The following DNM2 variants were observed in gnomAD, a reference collection of about 807,000 sequenced individuals.
The protein encoded by DNM2 is dynamin-2.
A neutral mutation model predicts 99.0 loss-of-function variants in DNM2; 15 were observed. The observed-to-expected ratio is 0.15, with a 90% CI of 0.10 to 0.23. The LOEUF (loss-of-function observed/expected upper bound fraction) is 0.23. DNM2 is among the 10% of genes least tolerant of loss of function. DNM2 has a pLI of 1.00. For missense variants in DNM2, 742 were observed against 1,189.4 expected, an observed-to-expected ratio of 0.62 and a Z score of 5.53; for synonymous variants, 525 against 481.2, an observed-to-expected ratio of 1.09 and a Z score of -1.19.
rs150521066 is a variant in DNM2 at position 10,802,692 on chromosome 19, G to A, written c.1493+334G>A. On this transcript the variant is annotated intron_variant, in intron 12 of 20. Transcript: ENST00000389253. ...CTTCTCAGAGCCTTTAGCGACCAGT[G>A]TGCAGCTTTTCCCAGACTCTGCCAC... is the stretch of plus-strand genomic sequence containing the variant. 6.2e-4 allele frequency: 247 copies of A among 400,870 alleles called. 1 individual carries two copies. The highest frequency in any genetic ancestry group is 4.8e-3 in the African/African-American group (234 of 48,862). The allele number at this position is 400,870 out of a possible 1,614,324, so 24.8% of individuals were successfully genotyped here.
rs55819116 is a variant in DNM2, at chr19:10,779,502, C to CTTTTTTTTTTTTTTTTT, written c.688+2295_688+2311dup. ...TCTTTCTTTCTTTCTTTCTTTCTTT[C>CTTTTTTTTTTTTTTTTT]TTTTTTTTTTTTTTTTTTTTTTTTT... On this transcript the variant is annotated intron_variant, in intron 5 of 20. Transcript: ENST00000389253. Among the ~76,000 whole-genome samples the CTTTTTTTTTTTTTTTTT allele has an allele frequency of 1.1e-3, 33 of 29,626 alleles. 1 individual carries two copies. Among genetic ancestry groups the CTTTTTTTTTTTTTTTTT allele is most frequent in the African/African-American group, 1.4e-3 (10 of 7,182 alleles). The allele number at this position is 29,626 out of a possible 152,430, so 19.4% of individuals were successfully genotyped here.
At chr19:10,763,388 G>A (rs1193856345) in intron 2 of DNM2, 3 of 152,410 alleles carry the variant, frequency 2.0e-5, no homozygotes, top group South Asian at 4.1e-4. Context: ...TTTTTAAATT[G>A]AGATGAAGTC....
intron 1 of DNM2, among the ~76,000 whole-genome samples, chr19:10,737,578 C>T (rs932598026): frequency 2.0e-5 from 3 of 152,082 alleles, no homozygotes; most frequent in Non-Finnish European, 4.4e-5. Flanking sequence ...CTCTGCTTCC[C>T]GGGTTCAAGC....
intron 1 of DNM2, among the ~76,000 whole-genome samples, chr19:10,730,618 G>A (rs1330446095): frequency 6.6e-6 from 1 of 152,146 alleles, no homozygotes; most frequent in Non-Finnish European, 1.5e-5. Flanking sequence ...CTGAAGCAAG[G>A]ACATCTTCCT....
In DNM2 at chr19:10,787,267, C is replaced by G. The variant is rs537851641; in HGVS notation, c.992+561C>G. On this transcript the variant is annotated intron_variant, in intron 7 of 20. Transcript: ENST00000389253. ...AGCGGATCATGTCAGGAGATCGAGACCATCCTGGCTAACGTGGTGAAACCC... is the reference window on the plus strand; with the variant it reads ...AGCGGATCATGTCAGGAGATCGAGAGCATCCTGGCTAACGTGGTGAAACCC... Among the ~76,000 whole-genome samples the G allele has an allele frequency of 1.3e-4, 20 of 151,978 alleles. No individual in the cohort carries two copies. In the South Asian group the frequency reaches 3.7e-3, roughly 28 times the overall value.
chr19:10,745,376 T>G (rs1381440702), intron 1 of DNM2, among the ~76,000 whole-genome samples: 1 of 152,204 alleles, frequency 6.6e-6, no homozygotes, highest in Non-Finnish European at 1.5e-5. Flanking sequence ...TTCTGGGTGC[T>G]GGGGAAAGGG....
chr19:10,724,724 C>T (rs992167724), intron 1 of DNM2, among the ~76,000 whole-genome samples: 2 of 152,264 alleles, frequency 1.3e-5, no homozygotes, highest in African/African-American at 2.4e-5. Context: ...AAGCTGGTGG[C>T]GCTACTGCTG....
Position 10,772,518 on chromosome 19 carries a change from C to T in DNM2, c.275C>T (p.Thr92Ile), listed in dbSNP as rs769805260. 1 of 1,614,158 alleles carries T rather than the reference C, an allele frequency of 6.2e-7. No individual in the cohort carries two copies. Among genetic ancestry groups the T allele is most frequent in the African/African-American group, 1.3e-5 (1 of 75,042 alleles). Residue 92 changes from threonine to isoleucine, a missense_variant, in exon 3 of 21, where the codon ACA (threonine) becomes ATA (isoleucine). Physicochemically the swap from Thr to Ile is moderately conservative, Grantham distance 89 (BLOSUM62 -1). Around this residue, in one of 7 missense-constraint regions of DNM2, gnomAD observed 192 missense variants for 358.9 expected, o/e 0.54. Coordinates refer to ENST00000389253, the MANE Select transcript of DNM2 (RefSeq NM_001005361.3). The surrounding 1 kb of genome is among the most constrained non-coding windows in gnomAD (Gnocchi z 4.9). ...EFLHCKSKKF[T>I]DFDEVRQEIE... ...TTGCACTGCAAGTCCAAAAAGTTTA[C>T]AGACTTTGATGAAGTCCGGCAGGAG...
At chr19:10,766,957 G>A (rs956220385) in intron 2 of DNM2, among the ~76,000 whole-genome samples, 23 of 152,118 alleles carry the variant, frequency 1.5e-4, no homozygotes, top group Non-Finnish European at 3.1e-4. Context: ...TCAGGGTGCC[G>A]GGTGACAGTG....
At chr19:10,756,882 G>A (rs1353979651) in intron 1 of DNM2, among the ~76,000 whole-genome samples, 3 of 152,046 alleles carry the variant, frequency 2.0e-5, no homozygotes, top group African/African-American at 7.2e-5. Flanking sequence ...TTTCGCCCCT[G>A]ATGTCACTCA....
At chr19:10,754,097 T>C (rs1342834861) in intron 1 of DNM2, among the ~76,000 whole-genome samples, 1 of 152,170 alleles carries the variant, frequency 6.6e-6, no homozygotes. Context: ...AGATCTGAAT[T>C]TTTCGTCTTA....
chr19:10,775,945 C>G lies in DNM2; in HGVS notation c.589+39C>G. ...TAGGGCAGTCCCCTCTTCCAGGTGC[C>G]TCTGAGCATGGGATGTGCCCAGCAT... On this transcript the variant is annotated intron_variant, in intron 4 of 20. Coordinates refer to ENST00000389253, the MANE Select transcript of DNM2 (RefSeq NM_001005361.3). The surrounding 1 kb of genome is among the most constrained non-coding windows in gnomAD (Gnocchi z 4.3). The G allele has an allele frequency of 1.2e-6, 2 of 1,601,108 alleles. No individual in the cohort carries two copies. The highest frequency in any genetic ancestry group is 2.7e-5 in the African/African-American group (2 of 74,948).
chr19:10,782,568 C>A (rs2071415307), intron 5 of DNM2, among the ~76,000 whole-genome samples: 1 of 151,388 alleles, frequency 6.6e-6, no homozygotes, highest in Admixed American at 6.6e-5. Flanking sequence ...CCATGCTGGC[C>A]AGGGTGGCCT....
rs186677509 is a variant in DNM2, at chr19:10,818,299, C to T, written c.1672-1681C>T. On this transcript the variant is annotated intron_variant, in intron 15 of 20. Coordinates refer to ENST00000389253, the MANE Select transcript of DNM2 (RefSeq NM_001005361.3). This position sits in a 1 kb window ranked among gnomAD's most constrained non-coding sequence, Gnocchi z 4.3. ...TGGCCACCGGGCCCCTCTTCCTATG[C>T]TCTGCCCTACTTCTTTGCCTAGAGC... Among the ~76,000 whole-genome samples, 30 of 152,202 alleles carry T rather than the reference C, an allele frequency of 2.0e-4. No individual in the cohort carries two copies. The highest frequency in any genetic ancestry group is 5.8e-4 in the African/African-American group (24 of 41,532).
rs1568276332 is a variant in DNM2 at position 10,746,730 on chromosome 19, T to TTG, written c.162-13007_162-13006insGT. ...CAACCGTGCCGGCTTTTTTTTTGTT[T>TTG]TTTGTTTTTTTTTTTTTTGAGACAG... On this transcript the variant is annotated intron_variant, in intron 1 of 20. Transcript: ENST00000389253. 2.4e-5 allele frequency among the ~76,000 whole-genome samples: 3 copies of TTG among 122,694 alleles called. 1 individual carries two copies. The highest frequency in any genetic ancestry group is 1.6e-4 in the Admixed American group (2 of 12,268). 80.5% of individuals were successfully genotyped at this position (122,694 alleles called of 152,430 possible). A position where few individuals can be genotyped will look rare whatever the true frequency, so the allele number is the denominator to read the frequency against.
At chr19:10,737,834 C>T (rs2069584152) in intron 1 of DNM2, among the ~76,000 whole-genome samples, 1 of 152,162 alleles carries the variant, frequency 6.6e-6, no homozygotes, top group Admixed American at 6.6e-5. Context: ...GGGGAATGCC[C>T]CATGGTAGGG....
rs193001314 is a variant in DNM2, at chr19:10,730,031, G to A, written c.161+11628G>A. ...CCACATGCCACCACGCCCAACTAAT[G>A]TTTATAATCTTTTGTACAGATGGGG... is the stretch of plus-strand genomic sequence containing the variant. On this transcript the variant is annotated intron_variant, in intron 1 of 20. Coordinates refer to ENST00000389253, the MANE Select transcript of DNM2 (RefSeq NM_001005361.3). Among the ~76,000 whole-genome samples the A allele has an allele frequency of 2.6e-4, 40 of 152,142 alleles. No homozygotes were observed. The East Asian group carries it at 7.7e-3, about 29-fold the overall frequency.
chr19:10,783,203 CA>C, intron 6 of DNM2, 83 bp downstream of exon 6: 1 of 1,579,312 alleles, frequency 6.3e-7, no homozygotes, highest in Non-Finnish European at 8.6e-7. Context: ...GCACTTGTTT[CA>C]GGCTAGAGCA....
intron 5 of DNM2, chr19:10,781,401 A>T (rs936298432): frequency 6.6e-6 from 1 of 152,140 alleles, no homozygotes; most frequent in Non-Finnish European, 1.5e-5. Context: ...GATGAAGAGC[A>T]GTCACATCCC....
Sources: allele counts gnomAD v4.1 joint callset (sites outside exome capture counted in the v4.1 genomes callset), GRCh38; gene constraint gnomAD v4.1.1; regional missense constraint gnomAD v4.1.1; non-coding constraint Gnocchi (gnomAD v3.1); transcripts MANE v1.5; gene names NCBI Gene and HGNC (gene_info 2026-07-23, HGNC 2026-07-21).